PTPRT: variants seen among roughly 807,000 people sequenced by gnomAD.
PTPRT encodes the protein receptor-type tyrosine-protein phosphatase T.
A neutral mutation model predicts 176.8 loss-of-function variants in PTPRT; 56 were observed. The observed-to-expected ratio is 0.32, with a 90% CI of 0.26 to 0.40. The LOEUF (loss-of-function observed/expected upper bound fraction) is 0.40, where lower values mean the gene tolerates loss of function less well. PTPRT is among the 10% of genes least tolerant of loss of function. The pLI is 1.00. For synonymous variants in PTPRT, 783 were observed against 739.0 expected (o/e 1.06, Z -0.96); for missense variants, 1,540 against 1,908.2 (o/e 0.81, Z 3.60).
chr20:42,515,211 A>G (rs1463732238), intron 7 of PTPRT, among the ~76,000 whole-genome samples: 1 of 152,198 alleles, frequency 6.6e-6, no homozygotes, highest in African/African-American at 2.4e-5. Context: ...AAGTTTGGGC[A>G]TGGTGGCTCA....
At chr20:42,432,070 G>T (rs1176722713) in intron 9 of PTPRT, among the ~76,000 whole-genome samples, 2 of 152,222 alleles carry the variant, frequency 1.3e-5, no homozygotes, top group African/African-American at 4.8e-5. Flanking sequence ...ATAGGATGAG[G>T]AGAGAGTAGA....
chr20:42,578,897 T>C (rs1291183713), intron 7 of PTPRT, among the ~76,000 whole-genome samples: 9 of 139,332 alleles, frequency 6.5e-5, no homozygotes, highest in Non-Finnish European at 1.1e-4. Flanking sequence ...CAAGTTTTTT[T>C]TTTTTGGGGG....
At chr20:43,142,336 C>G (rs900800759) in intron 1 of PTPRT, among the ~76,000 whole-genome samples, 1 of 152,244 alleles carries the variant, frequency 6.6e-6, no homozygotes, top group African/African-American at 2.4e-5. Context: ...ACAGGGCACA[C>G]GACTGTCCCC....
At chr20:42,683,603 C>T (rs1182077393) in intron 6 of PTPRT, among the ~76,000 whole-genome samples, 1 of 152,128 alleles carries the variant, frequency 6.6e-6, no homozygotes, top group South Asian at 2.1e-4. Context: ...CTAAACCATG[C>T]CTATTTTTCT....
In PTPRT at chr20:42,216,204, C is replaced by T. The variant is rs563194029; in HGVS notation, c.2343-16816G>A. Among the ~76,000 whole-genome samples, 45 of 152,288 alleles carry T rather than the reference C, an allele frequency of 3.0e-4. 1 individual carries two copies. Among genetic ancestry groups the T allele is most frequent in the Middle Eastern group, 3.4e-3 (1 of 292 alleles). On this transcript the variant is annotated intron_variant, in intron 15 of 30. Coordinates refer to ENST00000373187, the MANE Select transcript of PTPRT (RefSeq NM_007050.6). The stretch of plus-strand genomic sequence containing the variant: ...ACCAGCTCACAACTGCCTCCTCTCA[C>T]CCTGACCCCATCTTAGACCTTCAGT...
intron 13 of PTPRT, among the ~76,000 whole-genome samples, chr20:42,279,861 A>T (rs563421755): frequency 6.6e-6 from 1 of 152,098 alleles, no homozygotes; most frequent in Non-Finnish European, 1.5e-5. Flanking sequence ...AGGGTCAGGG[A>T]CCAGACAGCG....
chr20:42,118,291 C>T (rs1357071721), intron 21 of PTPRT, 112 bp downstream of exon 21: 5 of 831,310 alleles, frequency 6.0e-6, no homozygotes, highest in Non-Finnish European at 7.3e-6. Flanking sequence ...TGTAGGTTGC[C>T]GTGAGGGTGA....
chr20:42,301,501 G>A (rs1238779444), intron 12 of PTPRT, among the ~76,000 whole-genome samples: 1 of 152,104 alleles, frequency 6.6e-6, no homozygotes, highest in East Asian at 1.9e-4. Context: ...AAAAGTATAT[G>A]ACTGAGACAA....
At chr20:43,153,332 C>T (rs948659207) in intron 1 of PTPRT, among the ~76,000 whole-genome samples, 12 of 152,128 alleles carry the variant, frequency 7.9e-5, no homozygotes, top group South Asian at 2.1e-4. Context: ...ATTAGCTTTG[C>T]ATGAGGTGAA....
chr20:42,329,468 T>G (rs904173238), intron 11 of PTPRT, among the ~76,000 whole-genome samples: 3 of 146,676 alleles, frequency 2.0e-5, no homozygotes, highest in Non-Finnish European at 3.0e-5. Context: ...ACCAAGAATA[T>G]AGTGGCACAC....
chr20:42,032,974 C>A, the PTPRT span, among the ~76,000 whole-genome samples: 63 of 150,598 alleles, frequency 4.2e-4, no homozygotes, highest in Non-Finnish European at 8.4e-4. Context: ...ATCTCACTGA[C>A]TCCATGACTA....
chr20:42,826,107 T>C (rs1287888314), intron 2 of PTPRT, among the ~76,000 whole-genome samples: 1 of 151,948 alleles, frequency 6.6e-6, no homozygotes, highest in Non-Finnish European at 1.5e-5. Flanking sequence ...AGGATATAGC[T>C]TCAAGGATTC....
At chr20:42,345,746 T>C (rs541710511) in intron 11 of PTPRT, among the ~76,000 whole-genome samples, 1 of 150,990 alleles carries the variant, frequency 6.6e-6, no homozygotes, top group Non-Finnish European at 1.5e-5. Flanking sequence ...AAACAAAAAA[T>C]ATATATATAT....
chr20:42,896,849 A>G (rs2079309010), intron 1 of PTPRT, among the ~76,000 whole-genome samples: 1 of 152,172 alleles, frequency 6.6e-6, no homozygotes, highest in African/African-American at 2.4e-5. Flanking sequence ...AAGGCAGGGT[A>G]ATATCTAAGT....
intron 1 of PTPRT, among the ~76,000 whole-genome samples, chr20:43,089,245 G>C (rs1018426547): frequency 6.6e-6 from 1 of 152,176 alleles, no homozygotes; most frequent in Non-Finnish European, 1.5e-5. Flanking sequence ...GCTTCACTGA[G>C]GGTGTGAACT....
intron 7 of PTPRT, among the ~76,000 whole-genome samples, chr20:42,578,537 T>C (rs1775439060): frequency 6.6e-6 from 1 of 152,146 alleles, no homozygotes; most frequent in Non-Finnish European, 1.5e-5. Flanking sequence ...ACCTGCTCCA[T>C]CGACATTCTT....
intron 15 of PTPRT, 33 bp from the exon 16 acceptor site, chr20:42,199,421 G>A: frequency 6.2e-7 from 1 of 1,606,988 alleles, no homozygotes; most frequent in Non-Finnish European, 8.5e-7. Context: ...AAAAACCACA[G>A]TCAGATGGTG....
chr20:43,021,007 T>A (rs206153), intron 1 of PTPRT, among the ~76,000 whole-genome samples: 103,497 of 152,042 alleles, frequency 0.68, 38,150 homozygotes, highest in South Asian at 0.9. Flanking sequence ...CCATGCCAAC[T>A]GACCAAACCA....
chr20:42,963,464 T>TA (rs1474064211), intron 1 of PTPRT, among the ~76,000 whole-genome samples: 19 of 151,014 alleles, frequency 1.3e-4, no homozygotes, highest in Admixed American at 5.9e-4. Context: ...GGGTCATTTT[T>TA]AAAAAATAAA....
Sources: allele counts gnomAD v4.1 joint callset (sites outside exome capture counted in the v4.1 genomes callset), GRCh38; gene constraint gnomAD v4.1.1; transcripts MANE v1.5; gene names NCBI Gene and HGNC (gene_info 2026-07-23, HGNC 2026-07-21).